HECW2: variants seen among roughly 807,000 people sequenced by gnomAD.
The protein encoded by HECW2 is HECT, C2 and WW domain containing E3 ubiquitin protein ligase 2, also known as E3 ubiquitin-protein ligase HECW2.
A neutral mutation model predicts 175.2 loss-of-function variants in HECW2; 61 were observed. That is an observed-to-expected ratio of 0.35 (90% CI 0.28 to 0.43). The LOEUF is 0.43. Among genes scored for constraint, HECW2 ranks in the 20% least tolerant of loss-of-function variants. HECW2 has a pLI of 1.00. For synonymous variants in HECW2, 671 were observed against 731.0 expected, an observed-to-expected ratio of 0.92 and a Z score of 1.32; for missense variants, 1,524 against 2,000.5, an observed-to-expected ratio of 0.76 and a Z score of 4.54.
At chr2:196,466,237 G>A (rs998126996) in intron 1 of HECW2, among the ~76,000 whole-genome samples, 2 of 152,192 alleles carry the variant, frequency 1.3e-5, no homozygotes, top group Non-Finnish European at 1.5e-5. Context: ...TTGGAAAGTG[G>A]AGGATCCCTT....
At position 196,342,336 on chromosome 2, in the gene HECW2, G is replaced by A. The variant is rs113653224; in HGVS notation, c.400+1321C>T. Among the ~76,000 whole-genome samples the A allele has an allele frequency of 1.6e-3, 245 of 151,380 alleles. 3 individuals carry two copies. Among genetic ancestry groups the A allele is most frequent in the African/African-American group, 5.5e-3 (226 of 41,256 alleles). On this transcript the variant is annotated intron_variant, in intron 3 of 28. Transcript: ENST00000644978. Reference sequence around the variant, plus strand: ...GGAGAATTGCTTGAACCCGGGAGGCGGAGGTTGTGATGAGCCGAGATTGCG... The same window carrying A: ...GGAGAATTGCTTGAACCCGGGAGGCAGAGGTTGTGATGAGCCGAGATTGCG...
chr2:196,570,252 G>T (rs972400654), intron 1 of HECW2, among the ~76,000 whole-genome samples: 1 of 152,188 alleles, frequency 6.6e-6, no homozygotes, highest in East Asian at 1.9e-4. Context: ...CACGAGAAAT[G>T]TAATTACCAT....
intron 15 of HECW2, among the ~76,000 whole-genome samples, chr2:196,277,157 CA>C (rs1326949613): frequency 6.6e-6 from 1 of 152,110 alleles, no homozygotes; most frequent in African/African-American, 2.4e-5. Flanking sequence ...ATTGAAGCTG[CA>C]AAAGGAAGAA....
chr2:196,397,237 T>C (rs4850707), intron 2 of HECW2, among the ~76,000 whole-genome samples: 138,902 of 152,322 alleles, frequency 0.91, 63,743 homozygotes, highest in East Asian at 0.96. Context: ...GGAAAGACAC[T>C]GCTGTGTGTC....
intron 1 of HECW2, among the ~76,000 whole-genome samples, chr2:196,471,314 A>C (rs900089386): frequency 6.6e-6 from 1 of 152,198 alleles, no homozygotes; most frequent in East Asian, 1.9e-4. Flanking sequence ...AATCAAAATT[A>C]ACCGATGCTG....
At chr2:196,488,526 G>T (rs1442018339) in intron 1 of HECW2, among the ~76,000 whole-genome samples, 1 of 152,046 alleles carries the variant, frequency 6.6e-6, no homozygotes, top group African/African-American at 2.4e-5. Flanking sequence ...ATGGCATGGA[G>T]AAATGTTTAT....
chr2:196,526,516 G>A (rs532653145), intron 1 of HECW2, among the ~76,000 whole-genome samples: 1 of 152,176 alleles, frequency 6.6e-6, no homozygotes, highest in Non-Finnish European at 1.5e-5. Flanking sequence ...TTCCATTGCT[G>A]GTGAGGAATT....
chr2:196,465,084 T>C (rs1178712829), intron 1 of HECW2, among the ~76,000 whole-genome samples: 1 of 152,148 alleles, frequency 6.6e-6, no homozygotes, highest in Non-Finnish European at 1.5e-5. Flanking sequence ...AATCCTAATA[T>C]GCTCTCCTGG....
intron 17 of HECW2, among the ~76,000 whole-genome samples, chr2:196,259,862 G>C (rs1338955357): frequency 6.6e-6 from 1 of 151,608 alleles, no homozygotes; most frequent in Non-Finnish European, 1.5e-5. Flanking sequence ...TCTTATAAGG[G>C]TCAGTAACAC....
Position 196,318,926 on chromosome 2 carries a change from G to A in HECW2, c.1964C>T (p.Ser655Phe), listed in dbSNP as rs528126384. Residue 655 changes from serine to phenylalanine, a missense_variant, in exon 9 of 29, where the codon TCT becomes TTT. Transcript: ENST00000644978. ...CNESVTTQLSSVDTRCSSLES... is the reference protein window; with the variant it reads ...CNESVTTQLSFVDTRCSSLES... ...AAGAGAGGAGCACCGTGTGTCCACA[G>A]AGGACAGCTGCGTGGTCACACTCTC... 6.3e-7 allele frequency: 1 copy of A among 1,598,344 alleles called. No individual in the cohort carries two copies. Among genetic ancestry groups the A allele is most frequent in the African/African-American group, 1.3e-5 (1 of 74,786 alleles).
intron 2 of HECW2, among the ~76,000 whole-genome samples, chr2:196,367,372 G>T (rs1004679170): frequency 1.3e-5 from 2 of 152,108 alleles, no homozygotes; most frequent in Non-Finnish European, 2.9e-5. Flanking sequence ...TACATGGTAG[G>T]TGCCTATATT....
chr2:196,495,610 C>G (rs561665617), intron 1 of HECW2, among the ~76,000 whole-genome samples: 2 of 152,036 alleles, frequency 1.3e-5, no homozygotes, highest in Non-Finnish European at 2.9e-5. Flanking sequence ...GCATTCCATG[C>G]GGTGGGAAAA....
At chr2:196,445,646 T>C (rs1696160742) in intron 1 of HECW2, among the ~76,000 whole-genome samples, 1 of 152,156 alleles carries the variant, frequency 6.6e-6, no homozygotes. Context: ...TACTGTAATG[T>C]ATAAGTGCAA....
chr2:196,481,550 G>A (rs1409874389), intron 1 of HECW2, among the ~76,000 whole-genome samples: 3 of 152,186 alleles, frequency 2.0e-5, no homozygotes, highest in Admixed American at 6.5e-5. Context: ...AACTGACCAT[G>A]GTTCAAGCCC....
rs78449769 is a variant in HECW2, at chr2:196,370,084, G to T, written c.293-26320C>A. On this transcript the variant is annotated intron_variant, in intron 2 of 28. Transcript: ENST00000644978. Reference sequence around the variant, plus strand: ...CTCTTCCCTCTTCTTTTCTCAAGCAGAAGGAGTCCCTCCCCTTAGCTGCCA... The same window carrying T: ...CTCTTCCCTCTTCTTTTCTCAAGCATAAGGAGTCCCTCCCCTTAGCTGCCA... 3.8e-3 allele frequency among the ~76,000 whole-genome samples: 573 copies of T among 151,968 alleles called. 6 individuals are homozygous for T. The highest frequency in any genetic ancestry group is 0.013 in the African/African-American group (541 of 41,446).
At chr2:196,502,695 G>A (rs780172114) in intron 1 of HECW2, among the ~76,000 whole-genome samples, 1 of 152,046 alleles carries the variant, frequency 6.6e-6, no homozygotes, top group Non-Finnish European at 1.5e-5. Flanking sequence ...GTCAGGCATG[G>A]TTCTAAGGAA....
intron 17 of HECW2, among the ~76,000 whole-genome samples, chr2:196,270,921 C>G (rs1206277840): frequency 6.6e-6 from 1 of 152,128 alleles, no homozygotes; most frequent in African/African-American, 2.4e-5. Flanking sequence ...GTCTTGATCT[C>G]TTGACCTCGT....
At chr2:196,204,930 C>T (rs1276254600) in intron 28 of HECW2, among the ~76,000 whole-genome samples, 1 of 152,138 alleles carries the variant, frequency 6.6e-6, no homozygotes, top group Non-Finnish European at 1.5e-5. Flanking sequence ...TTTGCAGGTA[C>T]TCTAGAAGCT....
In HECW2 at chr2:196,359,060, G is replaced by C. The variant is rs571968477; in HGVS notation, c.293-15296C>G. ...ACCTTGAATATAGTGTTCAACTTGA[G>C]AATCTCTACCTTGTCACTATGTGTG... On this transcript the variant is annotated intron_variant, in intron 2 of 28. Coordinates refer to ENST00000644978, the MANE Select transcript of HECW2 (RefSeq NM_001348768.2). Among the ~76,000 whole-genome samples, 5 of 152,270 alleles carry C rather than the reference G, an allele frequency of 3.3e-5. No homozygotes were observed. The South Asian group carries it at 1.0e-3, about 32-fold the overall frequency.
Sources: gnomAD v4.1 joint callset for allele counts (sites outside exome capture counted in the v4.1 genomes callset) on GRCh38, gnomAD v4.1.1 for gene constraint, MANE v1.5 for transcripts, NCBI Gene and HGNC (gene_info 2026-07-23, HGNC 2026-07-21) for gene names.